EPHB3: variants seen among roughly 807,000 people sequenced by gnomAD.
EPHB3 encodes ephrin type-B receptor 3.
In EPHB3, 33 loss-of-function variants were observed where a neutral mutation model predicts 100.2. The observed-to-expected ratio is 0.33, with a 90% CI of 0.25 to 0.44. The LOEUF is 0.44. Among genes scored for constraint, EPHB3 ranks in the 20% least tolerant of loss-of-function variants. The probability of loss-of-function intolerance (pLI) is 1.00; values close to 1 mark genes in which losing one functional copy is unlikely to be tolerated. For missense variants in EPHB3, 1,045 were observed against 1,378.3 expected, an observed-to-expected ratio of 0.76 and a Z score of 3.83; for synonymous variants, 526 against 554.7, an observed-to-expected ratio of 0.95 and a Z score of 0.73.
chr3:184,581,297 C>A lies in EPHB3; in HGVS notation c.2777C>A (p.Thr926Asn), dbSNP rs143430250. The change falls in exon 15 of 16, where the codon ACC becomes AAC. Residue 926 changes from threonine (T) to asparagine (N), a missense_variant. By Grantham distance (65) the Thr-to-Asn change is moderately conservative. This residue lies in a region of EPHB3 where 985 missense variants were observed against 1,331.1 expected (regional missense o/e 0.74). Coordinates refer to ENST00000330394, the MANE Select transcript of EPHB3 (RefSeq NM_004443.4). ...GACCGCACGGTCCCAGATTACACAA[C>A]CTTCACGACAGTTGGTGATTGGCTG... The part of the protein sequence containing the change: ...LLDRTVPDYT[T>N]FTTVGDWLDA... 1.5e-4 allele frequency: 233 copies of A among 1,606,852 alleles called. No homozygotes were observed. The highest frequency in any genetic ancestry group is 1.9e-4 in the Non-Finnish European group (218 of 1,176,064).
Position 184,577,377 on chromosome 3 carries a change from C to A in EPHB3, c.1389C>A (p.Ser463Arg), listed in dbSNP as rs1714705115. The change falls in exon 6 of 16, where the codon AGC becomes AGA. Residue 463 changes from serine to arginine, a missense_variant. By Grantham distance (110) the Ser-to-Arg change is moderately radical. Transcript: ENST00000330394. This position sits in a 1 kb window ranked among gnomAD's most constrained non-coding sequence, Gnocchi z 4.9. ...PSEVPTLRLH[S>R]SSGSSLTLSW... is the part of the protein sequence containing the mutation. ...AAGTGCCCACACTACGCCTGCACAG[C>A]AGCTCAGGCAGCAGCCTCACCCTAT... 6.2e-7 allele frequency: 1 copy of A among 1,613,738 alleles called. No individual in the cohort carries two copies. The highest frequency in any genetic ancestry group is 1.3e-5 in the African/African-American group (1 of 74,936).
Position 184,572,539 on chromosome 3 carries a change from T to A in EPHB3, c.219T>A (p.Asn73Lys). 1 of 1,558,692 alleles carries A rather than the reference T, an allele frequency of 6.4e-7. No individual in the cohort carries two copies. The highest frequency in any genetic ancestry group is 8.6e-7 in the Non-Finnish European group (1 of 1,157,158). ...EEVSGYDEAM[N>K]PIRTYQVCNV... Reference sequence around the variant, plus strand: ...TGAGTGGCTACGATGAGGCCATGAATCCCATCCGCACATACCAGGTGTGTA... The same window carrying A: ...TGAGTGGCTACGATGAGGCCATGAAACCCATCCGCACATACCAGGTGTGTA... The change falls in exon 3 of 16, where the codon AAT (asparagine) becomes AAA (lysine). Residue 73 changes from asparagine to lysine, a missense_variant. Physicochemically the swap from Asn to Lys is moderately conservative, Grantham distance 94. This residue lies in a region of EPHB3 where 985 missense variants were observed against 1,331.1 expected (regional missense o/e 0.74). Transcript: ENST00000330394. This position sits in a 1 kb window ranked among gnomAD's most constrained non-coding sequence, Gnocchi z 6.6.
chr3:184,575,720 T>G (rs1577528224), intron 3 of EPHB3, 110 bp from the exon 4 acceptor site: 1 of 1,342,616 alleles, frequency 7.4e-7, no homozygotes, highest in Non-Finnish European at 9.9e-7. Context: ...GTCTAGGAGG[T>G]GGAGGGGCCA....
At position 184,581,794 on chromosome 3, in the gene EPHB3, T is replaced by A. The variant is rs1381688983; in HGVS notation, c.*172T>A. ...AGGCCTGTGTTCCCTCCCCAGGAAG[T>A]GCGCCCCAAACCTCTTCATATTGAA... On this transcript the variant is annotated 3_prime_UTR_variant, in exon 16 of 16. Coordinates refer to ENST00000330394, the MANE Select transcript of EPHB3 (RefSeq NM_004443.4). 1 of 648,868 alleles carries A rather than the reference T, an allele frequency of 1.5e-6. No homozygotes were observed. Among genetic ancestry groups the A allele is most frequent in the Non-Finnish European group, 2.6e-6 (1 of 387,862 alleles). The allele number at this position is 648,868 out of a possible 1,614,324, so 40.2% of individuals were successfully genotyped here. A position where few individuals can be genotyped will look rare whatever the true frequency, so the allele number is the denominator to read the frequency against.
At chr3:184,566,549 TC>T (rs1355526306) in intron 1 of EPHB3, among the ~76,000 whole-genome samples, 1 of 152,028 alleles carries the variant, frequency 6.6e-6, no homozygotes, top group Non-Finnish European at 1.5e-5. Context: ...CACGCTGACC[TC>T]CCTGTGTGTA....
Position 184,578,175 on chromosome 3 carries a change from C to T in EPHB3, c.1748+169C>T, listed in dbSNP as rs920937899. 8 of 880,002 alleles carry T rather than the reference C, an allele frequency of 9.1e-6. No homozygotes were observed. Among genetic ancestry groups the T allele is most frequent in the African/African-American group, 1.7e-5 (1 of 59,106 alleles). The allele number at this position is 880,002 out of a possible 1,614,324, so 54.5% of individuals were successfully genotyped here. A position where few individuals can be genotyped will look rare whatever the true frequency, so the allele number is the denominator to read the frequency against. Reference sequence around the variant, plus strand: ...AGCCCTCTCCCATCCCTGCCTGTGTCTTCATCCCGCCCTTTCTCCATACCC... The same window carrying T: ...AGCCCTCTCCCATCCCTGCCTGTGTTTTCATCCCGCCCTTTCTCCATACCC... On this transcript the variant is annotated intron_variant, in intron 8 of 15. Transcript: ENST00000330394. The surrounding 1 kb of genome is among the most constrained non-coding windows in gnomAD (Gnocchi z 4.7).
In EPHB3 at chr3:184,572,920, G is replaced by T; in HGVS notation, c.600G>T (p.Met200Ile). The change falls in exon 3 of 16, where the codon ATG becomes ATT. Residue 200 changes from methionine (M) to isoleucine (I), a missense_variant. Met to Ile is a conservative substitution (Grantham distance 10). Transcript: ENST00000330394. This position sits in a 1 kb window ranked among gnomAD's most constrained non-coding sequence, Gnocchi z 6.6. ...YLAFQDQGAC[M>I]SLISVRAFYK... ...CCTTCCAGGACCAGGGCGCCTGCAT[G>T]TCGCTCATCTCCGTGCGCGCCTTCT... 1 of 1,566,768 alleles carries T rather than the reference G, an allele frequency of 6.4e-7. No individual in the cohort carries two copies. The highest frequency in any genetic ancestry group is 8.7e-7 in the Non-Finnish European group (1 of 1,155,070).
Position 184,582,167 on chromosome 3 carries a change from G to T in EPHB3, c.*545G>T. ...TGTCCCCACCCCCGCCCTTGGTGCTGTCATAAAAGGGCAGGCAGGGGCAGG... is the reference window on the plus strand; with the variant it reads ...TGTCCCCACCCCCGCCCTTGGTGCTTTCATAAAAGGGCAGGCAGGGGCAGG... On this transcript the variant is annotated 3_prime_UTR_variant, in exon 16 of 16. Coordinates refer to ENST00000330394, the MANE Select transcript of EPHB3 (RefSeq NM_004443.4). The T allele has an allele frequency of 6.2e-6, 1 of 161,242 alleles. No individual in the cohort carries two copies. The allele number at this position is 161,242 out of a possible 1,614,324, so 10.0% of individuals were successfully genotyped here.
chr3:184,575,898 C>T lies in EPHB3; in HGVS notation c.925C>T (p.Arg309Cys), dbSNP rs768629190. 7.4e-6 allele frequency: 12 copies of T among 1,613,738 alleles called. No individual in the cohort carries two copies. The highest frequency in any genetic ancestry group is 3.3e-5 in the South Asian group (3 of 91,058). ...CTGCCTCCCATGTCCCCCCAACAGC[C>T]GTACCACCTCCCCAGCCGCCAGCAT... ...GPCLPCPPNS[R>C]TTSPAASICT... The change falls in exon 4 of 16, where the codon CGT (arginine) becomes TGT (cysteine). Residue 309 changes from arginine to cysteine, a missense_variant. By Grantham distance (180) the Arg-to-Cys change is radical. Coordinates refer to ENST00000330394, the MANE Select transcript of EPHB3 (RefSeq NM_004443.4).
chr3:184,578,566 C>G lies in EPHB3; in HGVS notation c.1801+100C>G, dbSNP rs1406794920. 1 of 1,450,488 alleles carries G rather than the reference C, an allele frequency of 6.9e-7. No individual in the cohort carries two copies. The allele number at this position is 1,450,488 out of a possible 1,614,324, so 89.9% of individuals were successfully genotyped here. ...TGGGACTTCATTCCTTAGAGATAAA[C>G]CCTGAATGCCCCCTCCCACTTCCAG... is the stretch of plus-strand genomic sequence containing the variant. On this transcript the variant is annotated intron_variant, in intron 9 of 15. Coordinates refer to ENST00000330394, the MANE Select transcript of EPHB3 (RefSeq NM_004443.4). The surrounding 1 kb of genome is among the most constrained non-coding windows in gnomAD (Gnocchi z 4.7).
chr3:184,581,220 A>G, intron 14 of EPHB3, 33 bp from the exon 15 acceptor site: 1 of 1,603,364 alleles, frequency 6.2e-7, no homozygotes, highest in Non-Finnish European at 8.5e-7. Flanking sequence ...TCCCACCTTC[A>G]AGACTCACCA....
chr3:184,574,780 T>A (rs1261815143), intron 3 of EPHB3, among the ~76,000 whole-genome samples: 1 of 152,194 alleles, frequency 6.6e-6, no homozygotes, highest in Non-Finnish European at 1.5e-5. Context: ...GCTAACACTC[T>A]GCAGGTCCCC....
At position 184,581,586 on chromosome 3, in the gene EPHB3, GC is replaced by G; in HGVS notation, c.2962del (p.Leu988CysfsTer3). On this transcript the variant is annotated frameshift_variant, in exon 16 of 16. Transcript: ENST00000330394. LOFTEE classifies it high-confidence loss of function. Reference sequence around the variant, plus strand: ...TCCTGAGCAGTATCCAGGACATGCGGCTGCAGATGAACCAGACGCTGCCTGT... The same window carrying G: ...TCCTGAGCAGTATCCAGGACATGCGGTGCAGATGAACCAGACGCTGCCTGT... The part of the protein sequence containing the change: ...KILSSIQDMR[L>X]QMNQTLPVQV 1 of 1,613,588 alleles carries G rather than the reference GC, an allele frequency of 6.2e-7. No homozygotes were observed. The highest frequency in any genetic ancestry group is 8.5e-7 in the Non-Finnish European group (1 of 1,179,864).
rs1310548588 is a variant in EPHB3, at chr3:184,580,306, G to A, written c.2173-96G>A. ...CTCTGGACATGGTTGCAGGAGAGAC[G>A]AGGTAGAGTCTGAGTACTCGGAGAG... is the stretch of plus-strand genomic sequence containing the variant. On this transcript the variant is annotated intron_variant, in intron 11 of 15. Coordinates refer to ENST00000330394, the MANE Select transcript of EPHB3 (RefSeq NM_004443.4). 103 of 1,489,420 alleles carry A rather than the reference G, an allele frequency of 6.9e-5. 2 individuals carry two copies. The South Asian group carries it at 1.1e-3, about 15-fold the overall frequency. The allele number at this position is 1,489,420 out of a possible 1,614,324, so 92.3% of individuals were successfully genotyped here.
intron 3 of EPHB3, among the ~76,000 whole-genome samples, chr3:184,574,521 C>A (rs1482114941): frequency 6.6e-6 from 1 of 152,248 alleles, no homozygotes; most frequent in African/African-American, 2.4e-5. Flanking sequence ...CTTTCGCTCC[C>A]TCTGCCCGAT....
chr3:184,574,936 G>T (rs1232811884), intron 3 of EPHB3, among the ~76,000 whole-genome samples: 3 of 152,374 alleles, frequency 2.0e-5, no homozygotes, highest in Middle Eastern at 3.4e-3. Context: ...AGCGCTGGGC[G>T]TTCTCCCCTA....
chr3:184,581,583 G>T lies in EPHB3; in HGVS notation c.2958G>T (p.Met986Ile). 6.2e-7 allele frequency: 1 copy of T among 1,613,666 alleles called. No homozygotes were observed. The highest frequency in any genetic ancestry group is 1.3e-5 in the African/African-American group (1 of 75,060). ...AGATCCTGAGCAGTATCCAGGACAT[G>T]CGGCTGCAGATGAACCAGACGCTGC... ...QKKILSSIQD[M>I]RLQMNQTLPV... Residue 986 changes from methionine to isoleucine, a missense_variant, in exon 16 of 16, where the codon ATG (methionine) becomes ATT (isoleucine). This residue lies in a region of EPHB3 where 985 missense variants were observed against 1,331.1 expected (regional missense o/e 0.74). Coordinates refer to ENST00000330394, the MANE Select transcript of EPHB3 (RefSeq NM_004443.4).
In EPHB3 at chr3:184,571,499, C is replaced by A. The variant is rs1214596011; in HGVS notation, c.183+117C>A. 2.9e-6 allele frequency: 3 copies of A among 1,024,694 alleles called. No homozygotes were observed. The highest frequency in any genetic ancestry group is 5.0e-5 in the East Asian group (2 of 39,606). 63.5% of individuals were successfully genotyped at this position (1,024,694 alleles called of 1,614,324 possible). A position where few individuals can be genotyped will look rare whatever the true frequency, so the allele number is the denominator to read the frequency against. On this transcript the variant is annotated intron_variant, in intron 2 of 15. Transcript: ENST00000330394. The surrounding 1 kb of genome is among the most constrained non-coding windows in gnomAD (Gnocchi z 5.0). ...GGAGGAGGGCTGCCTCTGCCCTCTG[C>A]CTGTCACCCTCACTTCCTGTGCCAT...
rs765715516 is a variant in EPHB3 at position 184,577,944 on chromosome 3, C to G, written c.1686C>G (p.Gly562=). 1.9e-6 allele frequency: 3 copies of G among 1,613,970 alleles called. No homozygotes were observed. Among genetic ancestry groups the G allele is most frequent in the Non-Finnish European group, 2.5e-6 (3 of 1,179,998 alleles). The change falls in exon 8 of 16, where the codon GGC becomes GGG. Residue 562 remains glycine, a synonymous_variant. Transcript: ENST00000330394. The surrounding 1 kb of genome is among the most constrained non-coding windows in gnomAD (Gnocchi z 4.9). ...QLQEQLPLIV[G]SATAGLVFVV... is the part of the protein sequence containing the mutation. The stretch of plus-strand genomic sequence containing the variant: ...AGGAGCAGCTTCCCCTCATCGTGGG[C>G]TCCGCTACAGCTGGGCTTGTCTTCG...
Sources: allele counts gnomAD v4.1 joint callset (sites outside exome capture counted in the v4.1 genomes callset), GRCh38; gene constraint gnomAD v4.1.1; regional missense constraint gnomAD v4.1.1; non-coding constraint Gnocchi (gnomAD v3.1); transcripts MANE v1.5; gene names NCBI Gene and HGNC (gene_info 2026-07-23, HGNC 2026-07-21).